EPHA3: variants seen among roughly 807,000 people sequenced by gnomAD.
The protein encoded by EPHA3 is ephrin type-A receptor 3.
EPHA3 carries 42 observed loss-of-function variants against 107.1 expected under a neutral mutation model. The ratio of observed to expected loss-of-function variants is 0.39; its 90% CI spans 0.31 to 0.51. The LOEUF is 0.51. Ranked by LOEUF, EPHA3 falls within the 20% of genes least tolerant of loss-of-function variation. EPHA3 has a pLI of 0.78. For synonymous variants in EPHA3, 461 were observed against 424.8 expected (o/e 1.09, Z -1.05); for missense variants, 1,183 against 1,211.2 (o/e 0.98, Z 0.35).
At chr3:89,430,006 C>T (rs745511598) in intron 12 of EPHA3, among the ~76,000 whole-genome samples, 5 of 152,054 alleles carry the variant, frequency 3.3e-5, no homozygotes, top group African/African-American at 9.7e-5. Flanking sequence ...TCAGATGATC[C>T]GCCCTCCTCA....
chr3:89,289,172 C>A (rs1706157175), intron 3 of EPHA3, among the ~76,000 whole-genome samples: 1 of 152,128 alleles, frequency 6.6e-6, no homozygotes, highest in South Asian at 2.1e-4. Context: ...AAAGCAATCT[C>A]TATCTACCAT....
At chr3:89,152,137 C>T (rs534069363) in intron 2 of EPHA3, among the ~76,000 whole-genome samples, 15 of 151,984 alleles carry the variant, frequency 9.9e-5, no homozygotes, top group Admixed American at 4.6e-4. Flanking sequence ...CTGTGGATCA[C>T]GAAGGTACTC....
At chr3:89,211,077 A>G (rs1268611595) in intron 3 of EPHA3, among the ~76,000 whole-genome samples, 1 of 152,148 alleles carries the variant, frequency 6.6e-6, no homozygotes, top group Non-Finnish European at 1.5e-5. Flanking sequence ...CTGATGCTTC[A>G]GTGTTTAATG....
intron 2 of EPHA3, among the ~76,000 whole-genome samples, chr3:89,131,180 CAT>C (rs71988512): frequency 0.53 from 80,147 of 151,762 alleles, 22,100 homozygotes; most frequent in Admixed American, 0.64. Flanking sequence ...ATTTGACACT[CAT>C]ATAATCTGGC....
chr3:89,441,924 A>G (rs942707355), intron 13 of EPHA3, among the ~76,000 whole-genome samples: 23 of 152,088 alleles, frequency 1.5e-4, no homozygotes, highest in Admixed American at 2.6e-4. Context: ...TTCAGAACCA[A>G]ATTGGGCCCT....
intron 3 of EPHA3, among the ~76,000 whole-genome samples, chr3:89,264,400 A>C (rs1470834424): frequency 2.0e-5 from 3 of 151,996 alleles, no homozygotes; most frequent in Non-Finnish European, 4.4e-5. Context: ...AGTCCTATGA[A>C]TCTGCAGATT....
intron 16 of EPHA3, among the ~76,000 whole-genome samples, chr3:89,477,830 GA>G (rs142585809): frequency 5.4e-5 from 8 of 147,764 alleles, no homozygotes; most frequent in African/African-American, 1.5e-4. Context: ...CAGAGTACGA[GA>G]AAAAAAAAAG....
In EPHA3 at chr3:89,290,502, T is replaced by C. The variant is rs1273118030; in HGVS notation, c.815-50414T>C. Among the ~76,000 whole-genome samples the C allele has an allele frequency of 3.9e-5, 6 of 152,308 alleles. No homozygotes were observed. In the East Asian group the frequency reaches 1.2e-3, roughly 29 times the overall value. ...TTGAAAACAATACAATAGTAAGTTA[T>C]GAAAAAGGAATTGTGACAAGTGTTA... On this transcript the variant is annotated intron_variant, in intron 3 of 16. Coordinates refer to ENST00000336596, the MANE Select transcript of EPHA3 (RefSeq NM_005233.6).
At chr3:89,277,087 G>C (rs1440656389) in intron 3 of EPHA3, among the ~76,000 whole-genome samples, 2 of 152,070 alleles carry the variant, frequency 1.3e-5, no homozygotes, top group African/African-American at 4.8e-5. Flanking sequence ...AGAAGACATG[G>C]TATCTTCGTG....
At chr3:89,117,155 T>C (rs547703021) in intron 1 of EPHA3, among the ~76,000 whole-genome samples, 32 of 152,256 alleles carry the variant, frequency 2.1e-4, no homozygotes, top group African/African-American at 7.7e-4. Flanking sequence ...CGATTTTTAA[T>C]ACATTCATTT....
chr3:89,410,818 G>T (rs1029236250), intron 9 of EPHA3, among the ~76,000 whole-genome samples: 1 of 151,782 alleles, frequency 6.6e-6, no homozygotes, highest in African/African-American at 2.4e-5. Flanking sequence ...TAATCTTAAA[G>T]AAGTTTCTTC....
At chr3:89,372,035 G>C (rs1292284619) in intron 5 of EPHA3, among the ~76,000 whole-genome samples, 1 of 151,092 alleles carries the variant, frequency 6.6e-6, no homozygotes, top group African/African-American at 2.4e-5. Flanking sequence ...TTTTAGCAGA[G>C]AGAGGGAGGA....
chr3:89,232,942 A>G (rs1473268293), intron 3 of EPHA3, among the ~76,000 whole-genome samples: 3 of 152,212 alleles, frequency 2.0e-5, no homozygotes, highest in Non-Finnish European at 4.4e-5. Context: ...ACCTGAATTC[A>G]TGAATAAGCA....
Position 89,242,106 on chromosome 3 carries a change from G to A in EPHA3, c.814+31586G>A, listed in dbSNP as rs574832777. On this transcript the variant is annotated intron_variant, in intron 3 of 16. Transcript: ENST00000336596. ...AGGATATGAAAGGAAATACACGGTT[G>A]GCAGAGTTGGGAATCCAACTCAAAA... 7.2e-5 allele frequency among the ~76,000 whole-genome samples: 11 copies of A among 152,284 alleles called. No individual in the cohort carries two copies. In the South Asian group the frequency reaches 2.1e-3, roughly 29 times the overall value.
At chr3:89,148,379 T>A (rs941400208) in intron 2 of EPHA3, among the ~76,000 whole-genome samples, 2 of 151,816 alleles carry the variant, frequency 1.3e-5, no homozygotes, top group Admixed American at 6.6e-5. Context: ...GGTTTAAAAA[T>A]TTTACCAATT....
chr3:89,136,263 C>T (rs1704307005), intron 2 of EPHA3, among the ~76,000 whole-genome samples: 1 of 144,118 alleles, frequency 6.9e-6, no homozygotes, highest in Admixed American at 7.4e-5. Context: ...TCACTTTCAC[C>T]TATTATGCTG....
At chr3:89,337,729 A>C (rs1249448199) in intron 3 of EPHA3, among the ~76,000 whole-genome samples, 1 of 152,198 alleles carries the variant, frequency 6.6e-6, no homozygotes, top group Admixed American at 6.5e-5. Flanking sequence ...AGGATCTTTT[A>C]GCTCCATTAG....
At chr3:89,270,920 C>T (rs1705653006) in intron 3 of EPHA3, among the ~76,000 whole-genome samples, 1 of 151,964 alleles carries the variant, frequency 6.6e-6, no homozygotes, top group East Asian at 1.9e-4. Flanking sequence ...AGTAGATCAT[C>T]ATAGCGGTCA....
intron 5 of EPHA3, among the ~76,000 whole-genome samples, chr3:89,351,478 C>A (rs1366956396): frequency 1.3e-5 from 2 of 149,630 alleles, no homozygotes; most frequent in Non-Finnish European, 3.0e-5. Flanking sequence ...CTTCGGCTCG[C>A]GCACGGTGCG....
Sources: gnomAD v4.1 joint callset for allele counts (sites outside exome capture counted in the v4.1 genomes callset) on GRCh38, gnomAD v4.1.1 for gene constraint, MANE v1.5 for transcripts, NCBI Gene and HGNC (gene_info 2026-07-23, HGNC 2026-07-21) for gene names.